The following RDX variants were observed in gnomAD, a reference collection of about 807,000 sequenced individuals.
RDX encodes deafness, autosomal recessive 24.
In RDX, 32 loss-of-function variants were observed where a neutral mutation model predicts 83.7. The ratio of observed to expected loss-of-function variants is 0.38; its 90% CI spans 0.29 to 0.51. RDX has a LOEUF of 0.51. Among genes scored for constraint, RDX ranks in the 20% least tolerant of loss-of-function variants. The pLI is 0.87. For synonymous variants in RDX, 229 were observed against 222.7 expected (o/e 1.03, Z -0.25); for missense variants, 600 against 689.9 (o/e 0.87, Z 1.46).
intron 15 of RDX, chr11:110,195,785 AGCTAGTCAT>A (rs1203656274): frequency 6.6e-6 from 1 of 152,200 alleles, no homozygotes; most frequent in East Asian, 1.9e-4. Context: ...CTTCCTTACA[AGCTAGTCAT>A]GCAGAAAAAA....
chr11:110,250,494 G>A (rs1859285851), intron 9 of RDX, among the ~76,000 whole-genome samples: 1 of 152,096 alleles, frequency 6.6e-6, no homozygotes, highest in Non-Finnish European at 1.5e-5. Flanking sequence ...ATCTCAACCA[G>A]AAGTCTACCA....
chr11:110,220,708 G>A (rs1864213812), intron 14 of RDX, among the ~76,000 whole-genome samples: 1 of 151,980 alleles, frequency 6.6e-6, no homozygotes. Flanking sequence ...ATGTTGGCCA[G>A]GCTGGTCTCG....
At chr11:110,283,442 C>G (rs1036208148) in intron 1 of RDX, among the ~76,000 whole-genome samples, 1 of 152,292 alleles carries the variant, frequency 6.6e-6, no homozygotes, top group South Asian at 2.1e-4. Flanking sequence ...AGCCACCACA[C>G]ACACCCGGCC....
At chr11:110,181,978 C>G (rs1862896163) in intron 15 of RDX, 1 of 152,478 alleles carries the variant, frequency 6.6e-6, no homozygotes, top group Non-Finnish European at 1.5e-5. Flanking sequence ...GCAATCTGCA[C>G]ACTCCTCACC....
chr11:110,199,851 T>C (rs988817770), intron 14 of RDX, among the ~76,000 whole-genome samples: 16 of 152,158 alleles, frequency 1.1e-4, no homozygotes, highest in Admixed American at 5.2e-4. Flanking sequence ...TTTAACCTCT[T>C]TTTTTTTCCA....
chr11:110,294,552 T>A (rs570929998), intron 1 of RDX, among the ~76,000 whole-genome samples: 1 of 151,480 alleles, frequency 6.6e-6, no homozygotes, highest in Non-Finnish European at 1.5e-5. Context: ...AAAAAAAAAA[T>A]CCAATTCTGC....
chr11:110,226,104 T>A (rs1197937137), downstream of RDX, among the ~76,000 whole-genome samples: 3 of 148,364 alleles, frequency 2.0e-5, no homozygotes, highest in African/African-American at 7.5e-5. Context: ...AGAATTAACA[T>A]ATGACCAAAC....
chr11:110,273,853 C>T (rs1216024199), intron 2 of RDX, among the ~76,000 whole-genome samples: 1 of 152,202 alleles, frequency 6.6e-6, no homozygotes, highest in Non-Finnish European at 1.5e-5. Flanking sequence ...GCGATTCCTA[C>T]TAACACTGTT....
intron 14 of RDX, among the ~76,000 whole-genome samples, chr11:110,215,049 AAT>A (rs572205859): frequency 0.048 from 4,676 of 97,066 alleles, 90 homozygotes; most frequent in Middle Eastern, 0.077. Flanking sequence ...AAAAAAAAAA[AAT>A]ATATATATAT....
intron 5 of RDX, among the ~76,000 whole-genome samples, chr11:110,260,869 A>C (rs560658765): frequency 1.8e-4 from 27 of 152,224 alleles, no homozygotes; most frequent in African/African-American, 6.3e-4. Flanking sequence ...TACACTACAA[A>C]TGCTATGTAT....
intron 14 of RDX, among the ~76,000 whole-genome samples, chr11:110,210,345 G>C (rs1863786388): frequency 8.6e-6 from 1 of 116,400 alleles, no homozygotes; most frequent in Admixed American, 8.2e-5. Context: ...TATGTGAAAA[G>C]ACCAAATCTA....
At chr11:110,254,591 T>G (rs1859469779) in intron 8 of RDX, among the ~76,000 whole-genome samples, 1 of 152,016 alleles carries the variant, frequency 6.6e-6, no homozygotes, top group Non-Finnish European at 1.5e-5. Flanking sequence ...TTCTCATGTC[T>G]CAGCCTCCCT....
chr11:110,281,377 G>A (rs1336138480), intron 1 of RDX, among the ~76,000 whole-genome samples: 4 of 150,154 alleles, frequency 2.7e-5, no homozygotes, highest in African/African-American at 9.8e-5. Flanking sequence ...CTGGAGTGCA[G>A]TGCTCGCAGT....
rs1029234358 is a variant in RDX at position 110,189,483 on chromosome 11, A to G, written c.*31+10098T>C. On this transcript the variant is annotated intron_variant, in intron 15 of 15. Transcript: ENST00000528498. Reference sequence around the variant, plus strand: ...CAGAAAACTAAAAAATTTTGGACTTAAATTTGACATTTGACCAATGGGGCC... The same window carrying G: ...CAGAAAACTAAAAAATTTTGGACTTGAATTTGACATTTGACCAATGGGGCC... Among the ~76,000 whole-genome samples, 4 of 152,298 alleles carry G rather than the reference A, an allele frequency of 2.6e-5. No individual in the cohort carries two copies. In the South Asian group the frequency reaches 8.3e-4, roughly 32 times the overall value.
chr11:110,228,554 C>T (rs1181109479), downstream of RDX, among the ~76,000 whole-genome samples: 4 of 152,022 alleles, frequency 2.6e-5, no homozygotes, highest in African/African-American at 9.7e-5. Context: ...ATCCCTTAGA[C>T]TTTAGTTTCC....
chr11:110,198,841 G>A (rs929782498), intron 15 of RDX, among the ~76,000 whole-genome samples: 7 of 149,048 alleles, frequency 4.7e-5, no homozygotes, highest in Admixed American at 1.3e-4. Flanking sequence ...TTTTTGAGAC[G>A]GAGTCTCGCT....
chr11:110,285,902 T>C (rs1045349438), intron 1 of RDX, among the ~76,000 whole-genome samples: 3 of 151,898 alleles, frequency 2.0e-5, no homozygotes, highest in Middle Eastern at 3.2e-3. Flanking sequence ...CTTTCAAGTC[T>C]TTCTTTTCTT....
chr11:110,179,903 C>CTT (rs528601645), intron 15 of RDX: 76,369 of 357,142 alleles, frequency 0.21, 6,926 homozygotes, highest in East Asian at 0.37. Flanking sequence ...TTTCTTTTTT[C>CTT]TTTTTTTTTT....
chr11:110,280,241 AT>A (rs558359776), intron 1 of RDX, among the ~76,000 whole-genome samples: 1,601 of 148,650 alleles, frequency 0.011, 15 homozygotes, highest in Non-Finnish European at 0.015. Context: ...GAAGAAACTA[AT>A]TTTTTTTTTT....
Sources: gnomAD v4.1 joint callset for allele counts (sites outside exome capture counted in the v4.1 genomes callset) on GRCh38, gnomAD v4.1.1 for gene constraint, MANE v1.5 for transcripts, NCBI Gene and HGNC (gene_info 2026-07-23, HGNC 2026-07-21) for gene names.